Variants in FAM13B observed in about 807,000 individuals in gnomAD.
FAM13B encodes protein FAM13B.
Under a neutral mutation model 117.3 loss-of-function variants are expected in FAM13B, and 60 were observed. The ratio of observed to expected loss-of-function variants is 0.51; its 90% confidence interval spans 0.42 to 0.63. The LOEUF (loss-of-function observed/expected upper bound fraction) is 0.63. FAM13B is among the 30% of genes least tolerant of loss of function. FAM13B has a pLI of 0.00. For synonymous variants in FAM13B, 332 were observed against 356.1 expected, an observed-to-expected ratio of 0.93 and a Z score of 0.76; for missense variants, 972 against 1,091.9, an observed-to-expected ratio of 0.89 and a Z score of 1.55.
chr5:137,958,424 TCTTAAAAAAAAATGCCTAGAC>T (rs1767183840), intron 13 of FAM13B, among the ~76,000 whole-genome samples: 1 of 151,610 alleles, frequency 6.6e-6, no homozygotes, highest in South Asian at 2.1e-4. Flanking sequence ...TGGTTGGGGC[TCTTAAAAAAAAATGCCTAGAC>T]CTTAAAAAAA....
At chr5:138,033,210 G>A (rs1445310570), upstream of FAM13B, 8 of 293,352 alleles carry the variant, frequency 2.7e-5, no homozygotes, top group Non-Finnish European at 3.0e-5. Context: ...GCAAGCTTGA[G>A]GACCGCGGTT....
intron 10 of FAM13B, among the ~76,000 whole-genome samples, chr5:137,966,229 G>A (rs1173091156): frequency 2.0e-5 from 3 of 151,606 alleles, no homozygotes; most frequent in African/African-American, 7.3e-5. Flanking sequence ...CTGAGGTCAG[G>A]CGTTCAAGAC....
intron 18 of FAM13B, among the ~76,000 whole-genome samples, chr5:137,947,585 TTC>T (rs1377545942): frequency 2.0e-5 from 3 of 152,052 alleles, no homozygotes; most frequent in Non-Finnish European, 4.4e-5. Context: ...AAAAAAAAAT[TTC>T]TTTTTTTTTT....
At chr5:137,950,697 A>G (rs1395674858) in intron 17 of FAM13B, among the ~76,000 whole-genome samples, 3 of 152,040 alleles carry the variant, frequency 2.0e-5, no homozygotes, top group African/African-American at 7.2e-5. Flanking sequence ...TTTTTTAAAG[A>G]TAATTCTGAC....
At position 138,019,003 on chromosome 5, in the gene FAM13B, C is replaced by T; in HGVS notation, c.109G>A (p.Glu37Lys). The T allele has an allele frequency of 6.2e-7, 1 of 1,614,110 alleles. No homozygotes were observed. Among genetic ancestry groups the T allele is most frequent in the Non-Finnish European group, 8.5e-7 (1 of 1,180,010 alleles). Residue 37 changes from glutamate (E) to lysine (K), a missense_variant, in exon 3 of 24, where the codon GAG becomes AAG. Glu to Lys is a moderately conservative substitution (Grantham distance 56, BLOSUM62 1). Coordinates refer to ENST00000689681, the MANE Select transcript of FAM13B (RefSeq NM_001385994.1). Reference protein sequence around the residue: ...ELQQGGHPDNEVPFIVRHVVD... With the variant: ...ELQQGGHPDNKVPFIVRHVVD... The stretch of plus-strand genomic sequence containing the variant: ...ACGTGGCGGACTATGAATGGAACCT[C>T]ATTGTCTGGATGTCCTCCCTGCTGC...
intron 10 of FAM13B, among the ~76,000 whole-genome samples, chr5:137,970,533 T>C (rs1170069701): frequency 6.7e-6 from 1 of 149,528 alleles, no homozygotes; most frequent in Non-Finnish European, 1.5e-5. Context: ...CCATCGAGAC[T>C]AGGAAGAAAC....
intron 10 of FAM13B, among the ~76,000 whole-genome samples, chr5:137,969,038 T>C (rs1327526245): frequency 2.7e-4 from 41 of 151,716 alleles, no homozygotes; most frequent in Middle Eastern, 6.8e-3. Flanking sequence ...GGGGGAAGGG[T>C]GCCCGCCATT....
At chr5:137,987,747 G>T in intron 8 of FAM13B, 131 bp from the exon 9 acceptor site, 1 of 750,404 alleles carries the variant, frequency 1.3e-6, no homozygotes, top group Middle Eastern at 3.9e-4. Context: ...AGTGTAAAAA[G>T]AAATACATAA....
chr5:137,996,723 C>G (rs1779958601), intron 7 of FAM13B, among the ~76,000 whole-genome samples: 1 of 152,018 alleles, frequency 6.6e-6, no homozygotes, highest in South Asian at 2.1e-4. Flanking sequence ...TCCCGAGTAG[C>G]TGGGATTACA....
intron 10 of FAM13B, among the ~76,000 whole-genome samples, chr5:137,968,733 C>A (rs555788053): frequency 1.3e-5 from 2 of 152,148 alleles, no homozygotes; most frequent in Non-Finnish European, 2.9e-5. Context: ...AGACAGTGGG[C>A]GCAGGTCAGT....
intron 1 of FAM13B, among the ~76,000 whole-genome samples, chr5:138,047,649 T>G (rs1791681822): frequency 6.6e-6 from 1 of 152,216 alleles, no homozygotes; most frequent in Non-Finnish European, 1.5e-5. Flanking sequence ...CCGGATTATC[T>G]GGGTGGGCCC....
At chr5:137,942,140 G>A (rs755322981) in intron 22 of FAM13B, 95 bp from the exon 23 acceptor site, 151 of 959,294 alleles carry the variant, frequency 1.6e-4, no homozygotes, top group Non-Finnish European at 2.0e-4. Flanking sequence ...AAGTGGCTGG[G>A]GAACTGTTAG....
chr5:138,047,499 CATCTCAAAAAAAAAA>C (rs150739389), intron 1 of FAM13B, among the ~76,000 whole-genome samples: 25,622 of 85,662 alleles, frequency 0.3, 2,257 homozygotes, highest in Admixed American at 0.33. Flanking sequence ...AGCAAGACTC[CATCTCAAAAAAAAAA>C]AAATGAAGAT....
chr5:137,962,349 C>G, intron 11 of FAM13B, 56 bp downstream of exon 11: 1 of 1,495,524 alleles, frequency 6.7e-7, no homozygotes. Flanking sequence ...CCTCAAAAAT[C>G]TGTGAAGAGC....
At chr5:138,038,394 T>C (rs955773876) in intron 1 of FAM13B, among the ~76,000 whole-genome samples, 2 of 152,200 alleles carry the variant, frequency 1.3e-5, no homozygotes, top group African/African-American at 4.8e-5. Context: ...CAAGTGCATA[T>C]GGAGATGAGA....
chr5:138,041,501 G>A (rs1243204008), intron 1 of FAM13B, among the ~76,000 whole-genome samples: 3 of 152,038 alleles, frequency 2.0e-5, no homozygotes, highest in East Asian at 3.9e-4. Context: ...CAGTTTATTA[G>A]GGGGATAAAA....
intron 1 of FAM13B, among the ~76,000 whole-genome samples, chr5:138,041,619 A>T (rs1791502145): frequency 6.6e-6 from 1 of 152,210 alleles, no homozygotes. Flanking sequence ...AATTACAATC[A>T]GTGTAAATAT....
Position 138,032,980 on chromosome 5 carries a change from G to T in FAM13B, c.-401C>A, listed in dbSNP as rs192772276. On this transcript the variant is annotated 5_prime_UTR_variant, in exon 1 of 24. Coordinates refer to ENST00000689681, the MANE Select transcript of FAM13B (RefSeq NM_001385994.1). ...AAGCGACCCCCCGGATACCCCCGGC[G>T]GTGGTGGCGACGCAGACGCGGAACA... is the stretch of plus-strand genomic sequence containing the variant. 8 of 986,534 alleles carry T rather than the reference G, an allele frequency of 8.1e-6. No homozygotes were observed. The highest frequency in any genetic ancestry group is 9.6e-6 in the Non-Finnish European group (8 of 830,754). The allele number at this position is 986,534 out of a possible 1,614,324, so 61.1% of individuals were successfully genotyped here.
intron 4 of FAM13B, among the ~76,000 whole-genome samples, chr5:138,013,255 A>G (rs569333889): frequency 6.6e-6 from 1 of 152,016 alleles, no homozygotes; most frequent in Non-Finnish European, 1.5e-5. Flanking sequence ...TAATCCCAGC[A>G]CTTTGGGAGG....
Sources: allele counts gnomAD v4.1 joint callset (sites outside exome capture counted in the v4.1 genomes callset), GRCh38; gene constraint gnomAD v4.1.1; transcripts MANE v1.5; gene names NCBI Gene and HGNC (gene_info 2026-07-23, HGNC 2026-07-21).